Variants in NRXN1 observed in about 807,000 individuals in gnomAD.
NRXN1 encodes the protein neurexin 1, also known as neurexin-1.
In NRXN1, 39 loss-of-function variants were observed where a neutral mutation model predicts 150.9. That is an observed-to-expected ratio of 0.26 (90% CI 0.20 to 0.34). NRXN1 has a LOEUF of 0.34. NRXN1 is among the 10% of genes least tolerant of loss of function. NRXN1 has a pLI of 1.00. For synonymous variants in NRXN1, 924 were observed against 757.0 expected, an observed-to-expected ratio of 1.22 and a Z score of -3.62; for missense variants, 1,815 against 1,949.9, an observed-to-expected ratio of 0.93 and a Z score of 1.30.
At chr2:50,589,365 T>C (rs959447237) in intron 8 of NRXN1, 1 of 152,244 alleles carries the variant, frequency 6.6e-6, no homozygotes. Flanking sequence ...CAGAGGCTCC[T>C]GGGTGGGAGT....
At chr2:50,293,546 C>T (rs572461249) in intron 17 of NRXN1, among the ~76,000 whole-genome samples, 1 of 152,064 alleles carries the variant, frequency 6.6e-6, no homozygotes, top group Non-Finnish European at 1.5e-5. Context: ...TTCGTAGATC[C>T]CTGTCTCCCC....
intron 8 of NRXN1, among the ~76,000 whole-genome samples, chr2:50,596,655 C>T (rs549654021): frequency 4.1e-4 from 62 of 152,164 alleles, no homozygotes; most frequent in African/African-American, 8.7e-4. Flanking sequence ...GTCAAAACTA[C>T]GAAAAGCTTT....
At chr2:50,626,110 A>G (rs931458791) in intron 5 of NRXN1, among the ~76,000 whole-genome samples, 15 of 152,042 alleles carry the variant, frequency 9.9e-5, no homozygotes, top group African/African-American at 3.6e-4. Flanking sequence ...AATATATTGC[A>G]CAAATTGAAA....
At chr2:50,570,798 T>A (rs973867094) in intron 8 of NRXN1, among the ~76,000 whole-genome samples, 6 of 152,234 alleles carry the variant, frequency 3.9e-5, no homozygotes, top group Middle Eastern at 3.4e-3. Flanking sequence ...AAATAAAGAC[T>A]CAAAGTGCTG....
Position 49,921,733 on chromosome 2 carries a change from T to C in NRXN1, c.*211A>G, listed in dbSNP as rs1320909240. 2 of 567,002 alleles carry C rather than the reference T, an allele frequency of 3.5e-6. No homozygotes were observed. Among genetic ancestry groups the C allele is most frequent in the African/African-American group, 3.8e-5 (2 of 53,094 alleles). 35.1% of individuals were successfully genotyped at this position (567,002 alleles called of 1,614,324 possible). A position where few individuals can be genotyped will look rare whatever the true frequency, so the allele number is the denominator to read the frequency against. ...AACACTGTGGATGTTAGGGAATTTA[T>C]TGGCCCCTGTTTTTTGTTTTTTGTT... On this transcript the variant is annotated 3_prime_UTR_variant, in exon 23 of 23. Transcript: ENST00000401669.
At chr2:50,694,429 T>A (rs958465207) in intron 5 of NRXN1, among the ~76,000 whole-genome samples, 1 of 152,186 alleles carries the variant, frequency 6.6e-6, no homozygotes, top group Non-Finnish European at 1.5e-5. Flanking sequence ...CTGTATACTA[T>A]AAAAAACATT....
At chr2:50,721,331 T>C (rs894779560) in intron 5 of NRXN1, among the ~76,000 whole-genome samples, 2 of 152,280 alleles carry the variant, frequency 1.3e-5, no homozygotes, top group Admixed American at 6.5e-5. Flanking sequence ...TAAAATCAGC[T>C]CTAGTTTGTA....
At chr2:50,915,447 T>G (rs1395015873) in intron 5 of NRXN1, among the ~76,000 whole-genome samples, 1 of 151,628 alleles carries the variant, frequency 6.6e-6, no homozygotes, top group Non-Finnish European at 1.5e-5. Context: ...TTTCCTAGGG[T>G]TGCTCAAAGT....
intron 17 of NRXN1, among the ~76,000 whole-genome samples, chr2:50,314,745 T>C (rs192383258): frequency 3.9e-5 from 6 of 152,224 alleles, no homozygotes; most frequent in East Asian, 1.9e-4. Context: ...TAGGACTGTA[T>C]ACTCTCCATA....
At chr2:50,281,316 C>CACAA (rs1187135501) in intron 17 of NRXN1, among the ~76,000 whole-genome samples, 1 of 124,628 alleles carries the variant, frequency 8.0e-6, no homozygotes, top group African/African-American at 2.9e-5. Flanking sequence ...GACTCCGTCT[C>CACAA]AAAAACAATA....
chr2:50,155,708 C>A (rs575161406), intron 18 of NRXN1, among the ~76,000 whole-genome samples: 1 of 151,342 alleles, frequency 6.6e-6, no homozygotes, highest in African/African-American at 2.4e-5. Flanking sequence ...TGTTAGCCAC[C>A]TTTTTCCTTA....
At chr2:50,632,455 C>A (rs1485191681) in intron 5 of NRXN1, 1 of 151,914 alleles carries the variant, frequency 6.6e-6, no homozygotes, top group Non-Finnish European at 1.5e-5. Flanking sequence ...ATCTCTATAC[C>A]TCCTTCTCGA....
rs184645251 is a variant in NRXN1 at position 50,635,180 on chromosome 2, T to C, written c.833-11565A>G. 4.7e-3 allele frequency among the ~76,000 whole-genome samples: 710 copies of C among 150,848 alleles called. 8 individuals carry two copies. The highest frequency in any genetic ancestry group is 0.016 in the African/African-American group (677 of 41,282). On this transcript the variant is annotated intron_variant, in intron 5 of 22. Coordinates refer to ENST00000401669, the MANE Select transcript of NRXN1 (RefSeq NM_001330078.2). ...TTAAATTCTTCTTTTTTTTTTTTGA[T>C]AGAGTCTCGCTCTGTCACCCAGGCT...
chr2:50,091,747 G>A (rs1037347765), intron 18 of NRXN1, among the ~76,000 whole-genome samples: 1 of 152,154 alleles, frequency 6.6e-6, no homozygotes, highest in African/African-American at 2.4e-5. Context: ...CTTCCCAGAG[G>A]TTGTCACAGA....
chr2:49,953,383 T>G (rs1016755534), intron 21 of NRXN1, among the ~76,000 whole-genome samples: 1 of 152,138 alleles, frequency 6.6e-6, no homozygotes, highest in African/African-American at 2.4e-5. Flanking sequence ...GTTATCTTGT[T>G]CATGTGCTAA....
intron 8 of NRXN1, among the ~76,000 whole-genome samples, chr2:50,555,756 A>G (rs894154900): frequency 2.0e-5 from 3 of 152,240 alleles, no homozygotes; most frequent in Non-Finnish European, 4.4e-5. Flanking sequence ...ATTGCGGACC[A>G]ATCTCATAAA....
chr2:50,120,213 T>C (rs550262680), intron 18 of NRXN1, among the ~76,000 whole-genome samples: 4 of 152,170 alleles, frequency 2.6e-5, no homozygotes, highest in Admixed American at 2.6e-4. Context: ...TAGAGGAAAA[T>C]ATCAATATAA....
intron 17 of NRXN1, among the ~76,000 whole-genome samples, chr2:50,409,957 T>A (rs999583419): frequency 1.3e-5 from 2 of 152,180 alleles, no homozygotes; most frequent in Non-Finnish European, 2.9e-5. Context: ...TTTTCAAGCC[T>A]TCCCTAAATC....
chr2:50,373,713 G>GAAAGAAAGAA (rs1558620756), intron 17 of NRXN1, among the ~76,000 whole-genome samples: 2 of 141,442 alleles, frequency 1.4e-5, no homozygotes, highest in African/African-American at 5.4e-5. Flanking sequence ...GAAAGAAAGA[G>GAAAGAAAGAA]AAAGAAAGAC....
Sources: allele counts gnomAD v4.1 joint callset (sites outside exome capture counted in the v4.1 genomes callset), GRCh38; gene constraint gnomAD v4.1.1; transcripts MANE v1.5; gene names NCBI Gene and HGNC (gene_info 2026-07-23, HGNC 2026-07-21).